GABRG3: variants seen among roughly 807,000 people sequenced by gnomAD.
GABRG3 encodes gamma-aminobutyric acid type A receptor subunit gamma3, also known as gamma-aminobutyric acid receptor subunit gamma-3.
A neutral mutation model predicts 48.8 loss-of-function variants in GABRG3; 25 were observed. That is an observed-to-expected ratio of 0.51 (90% confidence interval 0.37 to 0.72). The LOEUF is 0.72. Among genes scored for constraint, GABRG3 ranks in the 30% least tolerant of loss-of-function variants. GABRG3 has a pLI of 0.00. For missense variants in GABRG3, 394 were observed against 577.9 expected (o/e 0.68, Z 3.26); for synonymous variants, 227 against 217.6 (o/e 1.04, Z -0.38).
intron 3 of GABRG3, among the ~76,000 whole-genome samples, chr15:27,050,926 T>C (rs1268268521): frequency 6.6e-6 from 1 of 152,204 alleles, no homozygotes; most frequent in African/African-American, 2.4e-5. Flanking sequence ...TATGTAGTTT[T>C]TAAACTCATG....
chr15:27,467,993 C>T (rs1284975520), intron 5 of GABRG3, among the ~76,000 whole-genome samples: 1 of 152,178 alleles, frequency 6.6e-6, no homozygotes, highest in Non-Finnish European at 1.5e-5. Flanking sequence ...CAAATCGTCC[C>T]CTTCTCCAGG....
chr15:27,009,726 C>T (rs1295992926), intron 2 of GABRG3, among the ~76,000 whole-genome samples: 1 of 152,166 alleles, frequency 6.6e-6, no homozygotes, highest in East Asian at 1.9e-4. Flanking sequence ...AAAGGGCAGC[C>T]AGGAAGGTCT....
At chr15:27,389,458 A>G (rs1896154676) in intron 5 of GABRG3, among the ~76,000 whole-genome samples, 1 of 152,236 alleles carries the variant, frequency 6.6e-6, no homozygotes, top group Admixed American at 6.5e-5. Context: ...CAAATTTTGT[A>G]CCAGCGCCAC....
intron 3 of GABRG3, among the ~76,000 whole-genome samples, chr15:27,308,842 AAC>A (rs543452772): frequency 6.9e-4 from 104 of 150,364 alleles, no homozygotes; most frequent in Admixed American, 8.0e-4. Flanking sequence ...TTTATATAAA[AAC>A]ACAGAATGTA....
At chr15:27,029,474 C>T (rs1328115014) in intron 3 of GABRG3, among the ~76,000 whole-genome samples, 2 of 151,976 alleles carry the variant, frequency 1.3e-5, no homozygotes, top group Non-Finnish European at 2.9e-5. Context: ...CACATGCACA[C>T]ACTCGTGCAC....
chr15:27,513,360 G>T (rs996688418), intron 6 of GABRG3, among the ~76,000 whole-genome samples: 1 of 151,880 alleles, frequency 6.6e-6, no homozygotes, highest in Non-Finnish European at 1.5e-5. Flanking sequence ...TGAGGCAGGA[G>T]AATGGCGTGA....
chr15:27,019,972 C>T (rs1448968343), intron 2 of GABRG3, among the ~76,000 whole-genome samples: 1 of 152,186 alleles, frequency 6.6e-6, no homozygotes, highest in Admixed American at 6.5e-5. Context: ...AATATTTTGG[C>T]ATTCTATTCT....
chr15:27,501,210 C>G (rs912815745), intron 6 of GABRG3, among the ~76,000 whole-genome samples: 6 of 152,116 alleles, frequency 3.9e-5, no homozygotes, highest in African/African-American at 9.7e-5. Context: ...CTTGGCCTCC[C>G]AAAGTGCTAG....
At chr15:27,072,906 C>T (rs8027773) in intron 3 of GABRG3, among the ~76,000 whole-genome samples, 31,423 of 152,218 alleles carry the variant, frequency 0.21, 3,404 homozygotes, top group Middle Eastern at 0.27. Context: ...GCTGGCCATC[C>T]CTGCCACAGC....
intron 5 of GABRG3, among the ~76,000 whole-genome samples, chr15:27,460,432 A>T (rs1383714714): frequency 1.3e-5 from 2 of 152,180 alleles, no homozygotes; most frequent in Non-Finnish European, 2.9e-5. Flanking sequence ...GTTTATTTGC[A>T]GGGCGCCCCG....
At chr15:27,341,702 A>G (rs1349032473) in intron 5 of GABRG3, among the ~76,000 whole-genome samples, 1 of 152,056 alleles carries the variant, frequency 6.6e-6, no homozygotes, top group Non-Finnish European at 1.5e-5. Flanking sequence ...TCAATATATC[A>G]CGCGCCAGAA....
chr15:27,408,022 G>A (rs1287901757), intron 5 of GABRG3, among the ~76,000 whole-genome samples: 1 of 152,126 alleles, frequency 6.6e-6, no homozygotes, highest in African/African-American at 2.4e-5. Flanking sequence ...GTTGGTAATG[G>A]GGAGGCCATG....
chr15:27,177,790 G>C (rs1223962525), intron 3 of GABRG3, among the ~76,000 whole-genome samples: 1 of 152,206 alleles, frequency 6.6e-6, no homozygotes, highest in African/African-American at 2.4e-5. Context: ...AATAAAAACA[G>C]ATTTTGTTTT....
chr15:27,299,728 G>A (rs566242484), intron 3 of GABRG3, among the ~76,000 whole-genome samples: 65 of 152,244 alleles, frequency 4.3e-4, no homozygotes, highest in Admixed American at 7.2e-4. Flanking sequence ...AGTAAGTGGG[G>A]CTGCATTCCT....
chr15:27,411,795 G>A (rs541530833), intron 5 of GABRG3, among the ~76,000 whole-genome samples: 15 of 152,076 alleles, frequency 9.9e-5, no homozygotes, highest in Non-Finnish European at 1.2e-4. Context: ...GCCTTTTCCC[G>A]GTGTATCCTC....
At chr15:27,295,482 G>A (rs1891951814) in intron 3 of GABRG3, among the ~76,000 whole-genome samples, 1 of 152,084 alleles carries the variant, frequency 6.6e-6, no homozygotes, top group Admixed American at 6.5e-5. Context: ...CACAAGGGCT[G>A]GACAAACTGT....
chr15:27,466,640 T>C (rs894611804), intron 5 of GABRG3, among the ~76,000 whole-genome samples: 10 of 152,192 alleles, frequency 6.6e-5, no homozygotes, highest in Admixed American at 6.5e-5. Flanking sequence ...CACTCTTCTG[T>C]AGACAAAAGG....
In GABRG3 at chr15:27,267,049, G is replaced by A. The variant is rs534722678; in HGVS notation, c.271-59760G>A. 4.0e-5 allele frequency among the ~76,000 whole-genome samples: 6 copies of A among 151,088 alleles called. No individual in the cohort carries two copies. The South Asian group carries it at 1.0e-3, about 26-fold the overall frequency. On this transcript the variant is annotated intron_variant, in intron 3 of 9. Transcript: ENST00000615808. ...AATATAAAAGTTTAACAGATGGAGA[G>A]CAGATATCCTTACATTGTTCCTGAT...
intron 3 of GABRG3, among the ~76,000 whole-genome samples, chr15:27,280,106 C>T (rs1428660911): frequency 1.3e-5 from 2 of 151,722 alleles, no homozygotes; most frequent in African/African-American, 4.8e-5. Flanking sequence ...TTTTCCCCTA[C>T]TGATTTTTTT....
Sources: allele counts gnomAD v4.1 joint callset (sites outside exome capture counted in the v4.1 genomes callset), GRCh38; gene constraint gnomAD v4.1.1; transcripts MANE v1.5; gene names NCBI Gene and HGNC (gene_info 2026-07-23, HGNC 2026-07-21).